NEK1: variants seen among roughly 807,000 people sequenced by gnomAD.
NEK1 encodes serine/threonine-protein kinase Nek1.
A neutral mutation model predicts 182.1 loss-of-function variants in NEK1; 137 were observed. The ratio of observed to expected loss-of-function variants is 0.75; its 90% CI spans 0.65 to 0.87. The LOEUF (loss-of-function observed/expected upper bound fraction) is 0.87, where lower values mean the gene tolerates loss of function less well. NEK1 is among the 40% of genes least tolerant of loss of function. The probability of loss-of-function intolerance (pLI) is 0.00; values close to 1 mark genes in which losing one functional copy is unlikely to be tolerated. For missense variants in NEK1, 1,391 were observed against 1,494.4 expected (o/e 0.93, Z 1.14); for synonymous variants, 513 against 492.2 (o/e 1.04, Z -0.56).
At chr4:169,589,561 C>A (rs1189947622) in intron 6 of NEK1, 47 bp from the exon 7 acceptor site, 4 of 1,153,208 alleles carry the variant, frequency 3.5e-6, no homozygotes, top group Non-Finnish European at 4.9e-6. Flanking sequence ...TTGTTACAGT[C>A]CAGTTCTAAG....
chr4:169,530,644 G>A (rs1413119419), intron 19 of NEK1, among the ~76,000 whole-genome samples: 6 of 151,452 alleles, frequency 4.0e-5, no homozygotes, highest in Non-Finnish European at 2.9e-5. Context: ...AGGAACATAT[G>A]TATGTATACA....
intron 18 of NEK1, among the ~76,000 whole-genome samples, chr4:169,538,543 A>G (rs1166575899): frequency 1.3e-5 from 2 of 152,218 alleles, no homozygotes; most frequent in Non-Finnish European, 2.9e-5. Context: ...GACTATAAAT[A>G]AAAAGTATCA....
intron 27 of NEK1, among the ~76,000 whole-genome samples, chr4:169,453,217 C>T (rs1026468691): frequency 1.3e-5 from 2 of 152,282 alleles, no homozygotes; most frequent in Admixed American, 6.5e-5. Context: ...GAATCAATAT[C>T]GTGAAAATGG....
chr4:169,526,399 G>C (rs551675676), intron 19 of NEK1, among the ~76,000 whole-genome samples: 1 of 152,142 alleles, frequency 6.6e-6, no homozygotes. Context: ...TGAGGTGGGA[G>C]GATCACTTGA....
chr4:169,456,122 T>TC (rs1288935834), intron 27 of NEK1, among the ~76,000 whole-genome samples: 1 of 152,020 alleles, frequency 6.6e-6, no homozygotes, highest in Non-Finnish European at 1.5e-5. Flanking sequence ...AAACAGTGGG[T>TC]CAATGAAGAA....
At chr4:169,596,955 AATTTCCAGGAAG>A (rs1769608268) in intron 5 of NEK1, among the ~76,000 whole-genome samples, 1 of 152,158 alleles carries the variant, frequency 6.6e-6, no homozygotes, top group African/African-American at 2.4e-5. Flanking sequence ...TCTCCATAAT[AATTTCCAGGAAG>A]ACAAGATACA....
chr4:169,476,861 T>C (rs1352988469), intron 26 of NEK1, among the ~76,000 whole-genome samples: 5 of 152,064 alleles, frequency 3.3e-5, no homozygotes, highest in Non-Finnish European at 5.9e-5. Context: ...AATTTAAATA[T>C]GTATCATTAG....
intron 31 of NEK1, among the ~76,000 whole-genome samples, chr4:169,423,167 A>G (rs1735771738): frequency 6.6e-6 from 1 of 152,210 alleles, no homozygotes; most frequent in Non-Finnish European, 1.5e-5. Context: ...CAATATTGCA[A>G]TCTTGGCTCA....
At chr4:169,550,580 T>C (rs1486507209) in intron 18 of NEK1, among the ~76,000 whole-genome samples, 2 of 152,208 alleles carry the variant, frequency 1.3e-5, no homozygotes, top group Non-Finnish European at 2.9e-5. Flanking sequence ...GTATTGGTGA[T>C]GATTAAATGA....
intron 16 of NEK1, among the ~76,000 whole-genome samples, chr4:169,557,307 T>C (rs571904235): frequency 6.6e-6 from 1 of 151,636 alleles, no homozygotes; most frequent in East Asian, 1.9e-4. Flanking sequence ...CACCGAGACA[T>C]AAGAACTCAA....
At chr4:169,518,522 T>A (rs978705211) in intron 19 of NEK1, among the ~76,000 whole-genome samples, 1 of 97,822 alleles carries the variant, frequency 1.0e-5, no homozygotes, top group South Asian at 3.7e-4. Context: ...CTGCTCTGAT[T>A]TTAGTTATTT....
chr4:169,604,059 C>G (rs1302395577), intron 2 of NEK1, among the ~76,000 whole-genome samples: 1 of 152,114 alleles, frequency 6.6e-6, no homozygotes, highest in South Asian at 2.1e-4. Flanking sequence ...GTTCTTTAAT[C>G]ATTTTATACT....
At chr4:169,545,489 T>A (rs1760266564) in intron 18 of NEK1, among the ~76,000 whole-genome samples, 1 of 149,920 alleles carries the variant, frequency 6.7e-6, no homozygotes, top group Non-Finnish European at 1.5e-5. Context: ...TTTGCTATTG[T>A]GAATAATGCC....
intron 18 of NEK1, among the ~76,000 whole-genome samples, chr4:169,547,664 GTTCGT>G (rs1760741329): frequency 1.3e-5 from 2 of 152,222 alleles, no homozygotes; most frequent in South Asian, 2.1e-4. Flanking sequence ...TGGAGGCTTT[GTTCGT>G]TTCTTTTCAC....
At chr4:169,558,043 G>A (rs1470930590) in intron 16 of NEK1, among the ~76,000 whole-genome samples, 1 of 152,070 alleles carries the variant, frequency 6.6e-6, no homozygotes, top group African/African-American at 2.4e-5. Flanking sequence ...TTCCATCAAG[G>A]TGGTCCTTAC....
At chr4:169,439,174 A>G (rs1189278113) in intron 27 of NEK1, among the ~76,000 whole-genome samples, 1 of 152,208 alleles carries the variant, frequency 6.6e-6, no homozygotes, top group Non-Finnish European at 1.5e-5. Flanking sequence ...CATAAATTCA[A>G]TTCTCTGCCT....
At chr4:169,576,118 C>G (rs1765652250) in intron 12 of NEK1, among the ~76,000 whole-genome samples, 1 of 151,946 alleles carries the variant, frequency 6.6e-6, no homozygotes, top group South Asian at 2.1e-4. Context: ...GTGTGCGCCA[C>G]CACACCTGGC....
chr4:169,433,387 T>C (rs1380572403), intron 29 of NEK1, among the ~76,000 whole-genome samples, 158 bp downstream of exon 29: 1 of 152,230 alleles, frequency 6.6e-6, no homozygotes, highest in African/African-American at 2.4e-5. Flanking sequence ...TACTTGTTTA[T>C]TTCTGAACCA....
At chr4:169,556,990 G>A (rs987775238) in intron 16 of NEK1, among the ~76,000 whole-genome samples, 3 of 152,156 alleles carry the variant, frequency 2.0e-5, no homozygotes, top group African/African-American at 7.2e-5. Context: ...ATAGCTAAAT[G>A]CTAAATGCTA....
Sources: allele counts gnomAD v4.1 joint callset (sites outside exome capture counted in the v4.1 genomes callset), GRCh38; gene constraint gnomAD v4.1.1; transcripts MANE v1.5; gene names NCBI Gene and HGNC (gene_info 2026-07-23, HGNC 2026-07-21).